MDGA2: variants seen among roughly 807,000 people sequenced by gnomAD.
MDGA2 encodes the protein MAM domain containing glycosylphosphatidylinositol anchor 2.
Under a neutral mutation model 117.8 loss-of-function variants are expected in MDGA2, and 40 were observed. That is an observed-to-expected ratio of 0.34 (90% confidence interval 0.26 to 0.44). The LOEUF (loss-of-function observed/expected upper bound fraction) is 0.44, where lower values mean the gene tolerates loss of function less well. Ranked by LOEUF, MDGA2 falls within the 20% of genes least tolerant of loss-of-function variation. The pLI is 1.00. For missense variants in MDGA2, 1,123 were observed against 1,250.6 expected, an observed-to-expected ratio of 0.90 and a Z score of 1.54; for synonymous variants, 452 against 439.0, an observed-to-expected ratio of 1.03 and a Z score of -0.37.
chr14:47,612,209 CAGATAGATAGATAGATAGATAGATAGAT>C (rs3985115), intron 1 of MDGA2, among the ~76,000 whole-genome samples: 1 of 145,692 alleles, frequency 6.9e-6, no homozygotes, highest in South Asian at 2.2e-4. Flanking sequence ...GATAGATAGA[CAGATAGATAGATAGATAGATAGATAGAT>C]AGATAGATAG....
chr14:47,570,794 A>T (rs1180918174), intron 1 of MDGA2, among the ~76,000 whole-genome samples: 2 of 152,222 alleles, frequency 1.3e-5, no homozygotes, highest in Non-Finnish European at 2.9e-5. Context: ...ACCTAAAACC[A>T]TAAAAACCCT....
chr14:47,149,124 T>C (rs1156652874), intron 3 of MDGA2, among the ~76,000 whole-genome samples: 1 of 152,024 alleles, frequency 6.6e-6, no homozygotes, highest in Non-Finnish European at 1.5e-5. Context: ...AACCCATCTC[T>C]ACCAAAAATA....
chr14:47,083,411 T>G (rs926143575), intron 6 of MDGA2, among the ~76,000 whole-genome samples: 1 of 151,926 alleles, frequency 6.6e-6, no homozygotes, highest in African/African-American at 2.4e-5. Context: ...AATGTAAACC[T>G]GAAATATGCA....
At chr14:46,913,790 C>T (rs1883796631) in intron 10 of MDGA2, among the ~76,000 whole-genome samples, 2 of 152,240 alleles carry the variant, frequency 1.3e-5, no homozygotes, top group East Asian at 1.9e-4. Context: ...CTATGATACT[C>T]TTTGTTTATT....
At chr14:47,448,445 T>A (rs1176456405) in intron 1 of MDGA2, among the ~76,000 whole-genome samples, 1 of 151,988 alleles carries the variant, frequency 6.6e-6, no homozygotes, top group African/African-American at 2.4e-5. Context: ...CAGCCCGAAG[T>A]CTACTTTCAA....
At position 47,220,809 on chromosome 14, in the gene MDGA2, C is replaced by A. The variant is rs576335355; in HGVS notation, c.421-2614G>T. On this transcript the variant is annotated intron_variant, in intron 2 of 16. Transcript: ENST00000399232. Reference sequence around the variant, plus strand: ...AGCTCAAAAACAGTGGAATAACATCCACATTTACTGAAAAAGGTGAGGGAA... The same window carrying A: ...AGCTCAAAAACAGTGGAATAACATCAACATTTACTGAAAAAGGTGAGGGAA... Among the ~76,000 whole-genome samples, 27 of 152,248 alleles carry A rather than the reference C, an allele frequency of 1.8e-4. No homozygotes were observed. The South Asian group carries it at 5.0e-3, about 28-fold the overall frequency.
rs181462507 is a variant in MDGA2 at position 47,252,847 on chromosome 14, G to A, written c.421-34652C>T. 3.3e-5 allele frequency among the ~76,000 whole-genome samples: 5 copies of A among 152,292 alleles called. No individual in the cohort carries two copies. The East Asian group carries it at 5.8e-4, about 18-fold the overall frequency. ...ACTATAAAGAATTACCTGAGACTGG[G>A]TAATTTAGAGAGGAAAGTGGTTTAA... On this transcript the variant is annotated intron_variant, in intron 2 of 16. Coordinates refer to ENST00000399232, the MANE Select transcript of MDGA2 (RefSeq NM_001113498.3).
chr14:47,540,563 T>TATATATATATATATATATATCTACAC (rs370481455), intron 1 of MDGA2, among the ~76,000 whole-genome samples: 1 of 112,522 alleles, frequency 8.9e-6, no homozygotes, highest in Non-Finnish European at 1.9e-5. Flanking sequence ...TGTATATATA[T>TATATATATATATATATATATCTACAC]ACACACACAC....
intron 1 of MDGA2, among the ~76,000 whole-genome samples, chr14:47,312,096 C>T (rs542708180): frequency 1.3e-5 from 2 of 152,248 alleles, no homozygotes; most frequent in South Asian, 4.1e-4. Flanking sequence ...TACAATTCAG[C>T]TCCTAATTTT....
At chr14:47,121,364 C>T (rs1010247111) in intron 5 of MDGA2, among the ~76,000 whole-genome samples, 1 of 151,982 alleles carries the variant, frequency 6.6e-6, no homozygotes, top group African/African-American at 2.4e-5. Context: ...TAAACATACT[C>T]ACTCTAACAT....
chr14:47,397,823 G>A lies in MDGA2; in HGVS notation c.281-96273C>T, dbSNP rs900899689. Reference sequence around the variant, plus strand: ...AAGGAGGTAACCTTAGGGGCTAGTTGAAGAGACCCAGATTAAGAGAGGTAA... The same window carrying A: ...AAGGAGGTAACCTTAGGGGCTAGTTAAAGAGACCCAGATTAAGAGAGGTAA... On this transcript the variant is annotated intron_variant, in intron 1 of 16. Coordinates refer to ENST00000399232, the MANE Select transcript of MDGA2 (RefSeq NM_001113498.3). Among the ~76,000 whole-genome samples the A allele has an allele frequency of 3.4e-4, 51 of 152,084 alleles. 2 individuals carry two copies. The highest frequency in any genetic ancestry group is 8.8e-5 in the Non-Finnish European group (6 of 68,018).
At chr14:47,064,978 A>G (rs887018508) in intron 6 of MDGA2, among the ~76,000 whole-genome samples, 4 of 152,150 alleles carry the variant, frequency 2.6e-5, no homozygotes, top group Non-Finnish European at 5.9e-5. Flanking sequence ...GAAAAAGGAT[A>G]GCAGAAATCC....
intron 5 of MDGA2, among the ~76,000 whole-genome samples, chr14:47,106,705 G>A (rs898643900): frequency 6.6e-5 from 10 of 151,742 alleles, no homozygotes; most frequent in African/African-American, 1.7e-4. Flanking sequence ...CACAGACGCC[G>A]AGCTTCCGGT....
At chr14:47,070,719 C>A (rs1248068123) in intron 6 of MDGA2, among the ~76,000 whole-genome samples, 1 of 152,220 alleles carries the variant, frequency 6.6e-6, no homozygotes, top group Admixed American at 6.5e-5. Context: ...AATTCTCCCA[C>A]CTCAGCTTCC....
At chr14:47,351,084 T>C (rs1214669883) in intron 1 of MDGA2, among the ~76,000 whole-genome samples, 1 of 148,806 alleles carries the variant, frequency 6.7e-6, no homozygotes, top group African/African-American at 2.5e-5. Flanking sequence ...GCTAATTTTT[T>C]TTTTTTTTTT....
intron 8 of MDGA2, among the ~76,000 whole-genome samples, chr14:46,973,736 A>G (rs1489634939): frequency 6.6e-6 from 1 of 152,170 alleles, no homozygotes; most frequent in Non-Finnish European, 1.5e-5. Flanking sequence ...ATTGTAAAGA[A>G]CAAACTAAAA....
intron 1 of MDGA2, among the ~76,000 whole-genome samples, chr14:47,446,739 T>TA (rs5808398): frequency 0.32 from 48,068 of 151,512 alleles, 8,212 homozygotes; most frequent in East Asian, 0.59. Context: ...TAAGTAAAAT[T>TA]AAAAAAAGCC....
chr14:46,845,963 C>A, intron 15 of MDGA2, 92 bp from the exon 16 acceptor site: 1 of 883,128 alleles, frequency 1.1e-6, no homozygotes, highest in South Asian at 1.5e-5. Context: ...ATAAACTTGT[C>A]AGTAATCCTG....
At chr14:47,138,318 T>C (rs1048327123) in intron 4 of MDGA2, among the ~76,000 whole-genome samples, 4 of 152,116 alleles carry the variant, frequency 2.6e-5, no homozygotes, top group Admixed American at 1.3e-4. Flanking sequence ...TATTGTCTAA[T>C]TGTATAATTA....
Sources: gnomAD v4.1 joint callset for allele counts (sites outside exome capture counted in the v4.1 genomes callset) on GRCh38, gnomAD v4.1.1 for gene constraint, MANE v1.5 for transcripts, NCBI Gene and HGNC (gene_info 2026-07-23, HGNC 2026-07-21) for gene names.